Variants in CSTPP1 observed in about 807,000 individuals in gnomAD.
CSTPP1 encodes the protein centriolar satellite-associated tubulin polyglutamylase complex regulator 1, also known as UPF0705 protein C11orf49.
the CSTPP1 span, among the ~76,000 whole-genome samples, chr11:46,956,937 A>C: frequency 6.6e-6 from 1 of 151,340 alleles, no homozygotes; most frequent in Non-Finnish European, 1.5e-5. Context: ...ATATACACAC[A>C]GTATACAACA....
chr11:47,022,692 A>G, the CSTPP1 span, among the ~76,000 whole-genome samples: 1 of 152,106 alleles, frequency 6.6e-6, no homozygotes, highest in South Asian at 2.1e-4. Context: ...TCTTAAAGCC[A>G]TACACTATCC....
chr11:47,038,898 C>G, the CSTPP1 span, among the ~76,000 whole-genome samples: 1 of 123,294 alleles, frequency 8.1e-6, no homozygotes, highest in South Asian at 2.7e-4. Flanking sequence ...CCTCACATCC[C>G]GGACGGGGCG....
At chr11:46,974,562 C>T in the CSTPP1 span, among the ~76,000 whole-genome samples, 3 of 151,188 alleles carry the variant, frequency 2.0e-5, no homozygotes, top group East Asian at 5.8e-4. Flanking sequence ...AGAAACAGGC[C>T]AGGCATGGTG....
chr11:46,944,619 T>A, the CSTPP1 span, among the ~76,000 whole-genome samples: 205 of 152,274 alleles, frequency 1.3e-3, 4 homozygotes, highest in Non-Finnish European at 8.2e-4. Context: ...TTCCATGAGA[T>A]GTTTTACTCC....
the CSTPP1 span, chr11:47,161,787 C>T: frequency 2.1e-6 from 3 of 1,417,586 alleles, no homozygotes; most frequent in Admixed American, 3.0e-5. Flanking sequence ...CAGAGGGGCT[C>T]TGATGATCAG....
chr11:47,136,152 A>G, the CSTPP1 span, among the ~76,000 whole-genome samples: 1 of 152,248 alleles, frequency 6.6e-6, no homozygotes, highest in Non-Finnish European at 1.5e-5. Flanking sequence ...ACGATGATTC[A>G]AAGATAGAAC....
chr11:47,134,924 C>T, the CSTPP1 span, among the ~76,000 whole-genome samples: 3 of 151,998 alleles, frequency 2.0e-5, no homozygotes, highest in Admixed American at 1.3e-4. Flanking sequence ...GCCTGGGTGA[C>T]GGCACGAGAC....
At chr11:47,091,677 G>A in the CSTPP1 span, among the ~76,000 whole-genome samples, 4 of 152,168 alleles carry the variant, frequency 2.6e-5, no homozygotes, top group African/African-American at 9.7e-5. Context: ...TTATCCAGGT[G>A]AACCCTAAAT....
At chr11:46,982,145 T>C in the CSTPP1 span, among the ~76,000 whole-genome samples, 1 of 151,986 alleles carries the variant, frequency 6.6e-6, no homozygotes, top group South Asian at 2.1e-4. Flanking sequence ...TCAGAGAACA[T>C]TTTAATTTAG....
the CSTPP1 span, among the ~76,000 whole-genome samples, chr11:46,977,414 C>A: frequency 3.3e-5 from 5 of 152,168 alleles, no homozygotes; most frequent in African/African-American, 1.2e-4. Flanking sequence ...CTGCTGACTC[C>A]GCCTGAAAAA....
At chr11:47,128,283 T>C in the CSTPP1 span, among the ~76,000 whole-genome samples, 1 of 152,196 alleles carries the variant, frequency 6.6e-6, no homozygotes, top group Non-Finnish European at 1.5e-5. Context: ...AGGCCTTCTT[T>C]CCTCGACTTC....
At chr11:47,118,142 T>C in the CSTPP1 span, among the ~76,000 whole-genome samples, 1 of 152,116 alleles carries the variant, frequency 6.6e-6, no homozygotes. Flanking sequence ...CCTCCCAAAG[T>C]GCTGGGATTA....
chr11:46,991,376 G>A, the CSTPP1 span, among the ~76,000 whole-genome samples: 103 of 152,144 alleles, frequency 6.8e-4, no homozygotes, highest in African/African-American at 2.2e-3. Context: ...ATTTAGGTTC[G>A]TTGGAAAAAG....
chr11:47,137,448 C>T, the CSTPP1 span: 1 of 1,509,420 alleles, frequency 6.6e-7, no homozygotes, highest in Non-Finnish European at 8.8e-7. Context: ...ATGCCTCCCA[C>T]CCTGGAAAAG....
At chr11:47,041,890 A>G in the CSTPP1 span, 2 of 329,542 alleles carry the variant, frequency 6.1e-6, no homozygotes, top group East Asian at 1.1e-4. Context: ...GCAAGGATCC[A>G]CTTAACTTAA....
At chr11:47,095,855 G>A in the CSTPP1 span, among the ~76,000 whole-genome samples, 10 of 151,922 alleles carry the variant, frequency 6.6e-5, no homozygotes, top group Non-Finnish European at 2.9e-5. Flanking sequence ...TGCAAAACCT[G>A]ATTTTTTTTG....
the CSTPP1 span, among the ~76,000 whole-genome samples, chr11:47,085,747 G>A: frequency 1.3e-5 from 2 of 151,554 alleles, no homozygotes; most frequent in Non-Finnish European, 2.9e-5. Flanking sequence ...AAAATTAGCT[G>A]GGTGTGGTGG....
At chr11:47,151,279 C>T in the CSTPP1 span, among the ~76,000 whole-genome samples, 10 of 151,906 alleles carry the variant, frequency 6.6e-5, no homozygotes, top group Non-Finnish European at 5.9e-5. Flanking sequence ...GACATGCTGG[C>T]GCACGCCTGT....
chr11:47,162,185 C>A, the CSTPP1 span: 24 of 985,468 alleles, frequency 2.4e-5, no homozygotes, highest in Non-Finnish European at 2.9e-5. Flanking sequence ...AAGTCTTGAC[C>A]CCTTTGTGTC....
Sources: gnomAD v4.1 joint callset for allele counts (sites outside exome capture counted in the v4.1 genomes callset) on GRCh38, gnomAD v4.1.1 for gene constraint, MANE v1.5 for transcripts, NCBI Gene and HGNC (gene_info 2026-07-23, HGNC 2026-07-21) for gene names.